The following KIAA0825 variants were observed in gnomAD, a reference collection of about 807,000 sequenced individuals.
The protein encoded by KIAA0825 is KIAA0825, also known as uncharacterized protein KIAA0825.
Under a neutral mutation model 147.6 loss-of-function variants are expected in KIAA0825, and 119 were observed. That is an observed-to-expected ratio of 0.81 (90% confidence interval 0.69 to 0.94). The LOEUF (loss-of-function observed/expected upper bound fraction) is 0.94, where lower values mean the gene tolerates loss of function less well. Ranked by LOEUF, KIAA0825 falls within the 40% of genes least tolerant of loss-of-function variation. The pLI, the probability that KIAA0825 is intolerant of heterozygous loss-of-function variation, is 0.00. For missense variants in KIAA0825, 1,381 were observed against 1,472.7 expected, an observed-to-expected ratio of 0.94 and a Z score of 1.02; for synonymous variants, 470 against 518.1, an observed-to-expected ratio of 0.91 and a Z score of 1.26.
At chr5:94,296,563 G>A (rs1778146920) in intron 20 of KIAA0825, among the ~76,000 whole-genome samples, 1 of 152,172 alleles carries the variant, frequency 6.6e-6, no homozygotes. Flanking sequence ...CCTGGTCTGG[G>A]GTTGCAAAGA....
intron 14 of KIAA0825, among the ~76,000 whole-genome samples, chr5:94,421,395 T>C (rs1754165254): frequency 6.6e-6 from 1 of 152,242 alleles, no homozygotes; most frequent in Admixed American, 6.5e-5. Context: ...ATTCTTTTTA[T>C]GCAGAACTTT....
intron 5 of KIAA0825, among the ~76,000 whole-genome samples, chr5:94,502,964 C>A (rs983686941): frequency 4.6e-5 from 7 of 151,642 alleles, no homozygotes; most frequent in African/African-American, 1.5e-4. Flanking sequence ...CAAAAATTAG[C>A]TGGGCATGGT....
At chr5:94,597,247 C>T (rs1319099033) in intron 1 of KIAA0825, among the ~76,000 whole-genome samples, 2 of 151,848 alleles carry the variant, frequency 1.3e-5, no homozygotes, top group Admixed American at 6.6e-5. Context: ...GAACATTATC[C>T]AAAATAGACC....
chr5:94,451,079 T>C (rs912650773), intron 13 of KIAA0825, among the ~76,000 whole-genome samples: 3 of 152,188 alleles, frequency 2.0e-5, no homozygotes, highest in Non-Finnish European at 4.4e-5. Context: ...AGATAATGTA[T>C]GTAAAGCACT....
At chr5:94,422,216 T>A (rs1439628346) in intron 14 of KIAA0825, among the ~76,000 whole-genome samples, 1 of 152,156 alleles carries the variant, frequency 6.6e-6, no homozygotes, top group Non-Finnish European at 1.5e-5. Context: ...ATTCTGACTT[T>A]CCTCTAAAGT....
chr5:94,607,764 C>G (rs1787762830), intron 1 of KIAA0825, among the ~76,000 whole-genome samples: 1 of 152,204 alleles, frequency 6.6e-6, no homozygotes. Context: ...CCTCACAAAG[C>G]TAAGATCAAG....
intron 3 of KIAA0825, among the ~76,000 whole-genome samples, chr5:94,535,947 G>A (rs1215717340): frequency 6.6e-6 from 1 of 152,164 alleles, no homozygotes; most frequent in African/African-American, 2.4e-5. Context: ...GTAATGGGCT[G>A]TATCTGCTTT....
chr5:94,470,174 C>A, intron 9 of KIAA0825, 63 bp from the exon 10 acceptor site: 1 of 1,191,160 alleles, frequency 8.4e-7, no homozygotes. Flanking sequence ...AGATAACAAT[C>A]TCCAGTACTA....
At chr5:94,428,096 T>C (rs1167633780) in intron 14 of KIAA0825, among the ~76,000 whole-genome samples, 1 of 151,424 alleles carries the variant, frequency 6.6e-6, no homozygotes, top group Non-Finnish European at 1.5e-5. Context: ...ATGGGTGTCA[T>C]TACATGTGAG....
At chr5:94,312,232 T>G (rs1263447416) in intron 20 of KIAA0825, among the ~76,000 whole-genome samples, 1 of 151,782 alleles carries the variant, frequency 6.6e-6, no homozygotes, top group African/African-American at 2.4e-5. Flanking sequence ...TGTGTGTGTG[T>G]GTGTGTGCAT....
At chr5:94,468,233 A>G (rs576844285) in intron 10 of KIAA0825, among the ~76,000 whole-genome samples, 1 of 152,190 alleles carries the variant, frequency 6.6e-6, no homozygotes, top group African/African-American at 2.4e-5. Context: ...TACACTGTAC[A>G]ACTCTTCTAG....
intron 20 of KIAA0825, among the ~76,000 whole-genome samples, chr5:94,383,792 T>C (rs1562441770): frequency 1.5e-5 from 2 of 129,272 alleles, no homozygotes; most frequent in Non-Finnish European, 3.2e-5. Context: ...CTGCTCTGTG[T>C]GTGTGTGTGT....
At chr5:94,537,389 C>T (rs569269808) in intron 2 of KIAA0825, among the ~76,000 whole-genome samples, 4 of 152,234 alleles carry the variant, frequency 2.6e-5, no homozygotes, top group East Asian at 1.9e-4. Flanking sequence ...CGGTGGCTCA[C>T]GCCTGTATTC....
intron 20 of KIAA0825, among the ~76,000 whole-genome samples, chr5:94,304,572 A>AT (rs1562361606): frequency 1.3e-5 from 2 of 151,848 alleles, no homozygotes; most frequent in African/African-American, 4.8e-5. Flanking sequence ...TTCACAGCCT[A>AT]TATCTTTTTT....
intron 20 of KIAA0825, among the ~76,000 whole-genome samples, chr5:94,231,230 T>A (rs1562325375): frequency 1.3e-5 from 2 of 152,136 alleles, no homozygotes; most frequent in Non-Finnish European, 2.9e-5. Flanking sequence ...CAACAGGGCA[T>A]CAAGGTACAT....
intron 1 of KIAA0825, among the ~76,000 whole-genome samples, chr5:94,608,512 T>TA (rs1431744274): frequency 3.9e-5 from 1 of 25,496 alleles, no homozygotes; most frequent in Admixed American, 6.8e-4. Context: ...TATATATTTT[T>TA]TTTTAGAGAT....
chr5:94,412,611 G>A (rs1208274364), intron 15 of KIAA0825, among the ~76,000 whole-genome samples: 1 of 152,008 alleles, frequency 6.6e-6, no homozygotes, highest in Non-Finnish European at 1.5e-5. Flanking sequence ...ATGTTGGCCA[G>A]GATGGTCTCG....
chr5:94,279,400 T>C (rs1157934439), intron 20 of KIAA0825, among the ~76,000 whole-genome samples: 1 of 152,062 alleles, frequency 6.6e-6, no homozygotes, highest in Admixed American at 6.6e-5. Flanking sequence ...GAGAATAATG[T>C]AACAATGACT....
chr5:94,472,685 A>G (rs1164732165), intron 8 of KIAA0825, among the ~76,000 whole-genome samples: 2 of 152,152 alleles, frequency 1.3e-5, no homozygotes, highest in Non-Finnish European at 2.9e-5. Flanking sequence ...CGGAGCTTGC[A>G]GTGAGCCGAG....
Sources: allele counts gnomAD v4.1 joint callset (sites outside exome capture counted in the v4.1 genomes callset), GRCh38; gene constraint gnomAD v4.1.1; transcripts MANE v1.5; gene names NCBI Gene and HGNC (gene_info 2026-07-23, HGNC 2026-07-21).